Variants in PRDM15 observed in about 807,000 individuals in gnomAD.
The protein encoded by PRDM15 is PR domain zinc finger protein 15.
In PRDM15, 64 loss-of-function variants were observed where a neutral mutation model predicts 128.6. The observed-to-expected ratio is 0.50, with a 90% CI of 0.41 to 0.61. The LOEUF (loss-of-function observed/expected upper bound fraction) is 0.61. Ranked by LOEUF, PRDM15 falls within the 20% of genes least tolerant of loss-of-function variation. The probability of loss-of-function intolerance (pLI) is 0.00; values close to 1 mark genes in which losing one functional copy is unlikely to be tolerated. For missense variants in PRDM15, 1,242 were observed against 1,569.1 expected (o/e 0.79, Z 3.52); for synonymous variants, 615 against 621.8 (o/e 0.99, Z 0.16).
chr21:41,857,408 G>C, intron 3 of PRDM15, 79 bp from the exon 4 acceptor site: 1 of 1,461,518 alleles, frequency 6.8e-7, no homozygotes, highest in Non-Finnish European at 9.4e-7. Flanking sequence ...CTAAAAGCTC[G>C]CCCTCACTGA....
At chr21:41,852,387 A>C (rs2063456803) in intron 5 of PRDM15, among the ~76,000 whole-genome samples, 1 of 152,244 alleles carries the variant, frequency 6.6e-6, no homozygotes, top group Non-Finnish European at 1.5e-5. Flanking sequence ...CCCGAAGATC[A>C]CAGTTACTTG....
chr21:41,820,307 T>G (rs2062209282), intron 16 of PRDM15, 133 bp from the exon 17 acceptor site: 1 of 685,944 alleles, frequency 1.5e-6, no homozygotes, highest in Non-Finnish European at 2.6e-6. Flanking sequence ...GAAGCAGATA[T>G]TTGAGCCTCT....
chr21:41,830,083 A>G (rs1175621396), intron 11 of PRDM15, among the ~76,000 whole-genome samples: 1 of 150,914 alleles, frequency 6.6e-6, no homozygotes, highest in Non-Finnish European at 1.5e-5. Flanking sequence ...CACCACATAC[A>G]TACTCAACAT....
rs1435785244 is a variant in PRDM15 at position 41,823,436 on chromosome 21, C to T, written c.1643G>A (p.Arg548Gln). The T allele has an allele frequency of 1.8e-5, 28 of 1,552,508 alleles. No homozygotes were observed. The highest frequency in any genetic ancestry group is 2.7e-5 in the African/African-American group (2 of 73,120). ...CPVCGKVFSCRSNMNKHLLTH... is the reference protein window; with the variant it reads ...CPVCGKVFSCQSNMNKHLLTH... Reference sequence around the variant, plus strand: ...GAGCAGGTGCTTGTTCATATTGCTCCGGCAGGAGAACACCTGTGGCAGAGG... The same window carrying T: ...GAGCAGGTGCTTGTTCATATTGCTCTGGCAGGAGAACACCTGTGGCAGAGG... The change falls in exon 14 of 24, where the codon CGG becomes CAG. Residue 548 changes from arginine (R) to glutamine (Q), a missense_variant. Transcript: ENST00000398548.
chr21:41,859,291 A>G lies in PRDM15; in HGVS notation c.131+301T>C, dbSNP rs1401006328. ...CTTGGCTGCTGGTGCTCAGCACGTC[A>G]ACCACCTTGGCAAGTCCACTCTTCT... On this transcript the variant is annotated intron_variant, in intron 3 of 23. Transcript: ENST00000398548. This position sits in a 1 kb window ranked among gnomAD's most constrained non-coding sequence, Gnocchi z 5.3. 6.7e-7 allele frequency: 1 copy of G among 1,503,102 alleles called. No homozygotes were observed. The highest frequency in any genetic ancestry group is 9.2e-7 in the Non-Finnish European group (1 of 1,090,180). 93.1% of individuals were successfully genotyped at this position (1,503,102 alleles called of 1,614,324 possible).
chr21:41,878,620 C>A, intron 1 of PRDM15: 1 of 888,650 alleles, frequency 1.1e-6, no homozygotes, highest in Non-Finnish European at 1.6e-6. Context: ...ACCTGTCCAT[C>A]CACCTCGCTA....
chr21:41,847,226 C>T (rs1433024243), intron 5 of PRDM15, 35 bp from the exon 6 acceptor site: 1 of 1,440,184 alleles, frequency 6.9e-7, no homozygotes, highest in East Asian at 2.5e-5. Context: ...AAGGTGACCC[C>T]CAAGCAGCTC....
At chr21:41,823,262 C>A in intron 14 of PRDM15, 56 bp downstream of exon 14, 1 of 1,587,640 alleles carries the variant, frequency 6.3e-7, no homozygotes, top group Non-Finnish European at 8.6e-7. Flanking sequence ...GTGACAGACG[C>A]TGGCCTGGGG....
At chr21:41,844,467 TC>T (rs2063172364) in intron 6 of PRDM15, among the ~76,000 whole-genome samples, 4 of 10,150 alleles carry the variant, frequency 3.9e-4, no homozygotes, top group South Asian at 8.5e-3. Context: ...ACAGAGCCCC[TC>T]CCCCCTCACA....
At position 41,854,886 on chromosome 21, in the gene PRDM15, G is replaced by A. The variant is rs576432110; in HGVS notation, c.286-68C>T. 2.0e-6 allele frequency: 3 copies of A among 1,531,334 alleles called. No individual in the cohort carries two copies. The highest frequency in any genetic ancestry group is 2.6e-6 in the Non-Finnish European group (3 of 1,135,852). 94.9% of individuals were successfully genotyped at this position (1,531,334 alleles called of 1,614,324 possible). A position where few individuals can be genotyped will look rare whatever the true frequency, so the allele number is the denominator to read the frequency against. On this transcript the variant is annotated intron_variant, in intron 4 of 23. Coordinates refer to ENST00000398548, the MANE Select transcript of PRDM15 (RefSeq NM_001040424.3). The surrounding 1 kb of genome is among the most constrained non-coding windows in gnomAD (Gnocchi z 4.6). Reference sequence around the variant, plus strand: ...ATTACCCATCTGTGTATCAGCGTGTGGGGGGCAGGTGCTGAGGAACCCATC... The same window carrying A: ...ATTACCCATCTGTGTATCAGCGTGTAGGGGGCAGGTGCTGAGGAACCCATC...
intron 13 of PRDM15, among the ~76,000 whole-genome samples, chr21:41,824,674 C>T (rs1310927864): frequency 6.6e-6 from 1 of 152,180 alleles, no homozygotes; most frequent in Admixed American, 6.5e-5. Flanking sequence ...CTGTGCATAG[C>T]TGGCCCAGCT....
At chr21:41,803,230 AATG>A (rs74999016) in intron 22 of PRDM15, 35,291 of 395,736 alleles carry the variant, frequency 0.089, 2,078 homozygotes, top group Non-Finnish European at 0.12. Context: ...TCCAAAGGGA[AATG>A]TTTCTGCCCG....
chr21:41,812,487 T>G (rs1433611501), intron 19 of PRDM15: 1 of 152,126 alleles, frequency 6.6e-6, no homozygotes, highest in Non-Finnish European at 1.5e-5. Context: ...TCTGTTATTT[T>G]ATGTATGAGG....
chr21:41,854,531 G>C lies in PRDM15; in HGVS notation c.538+35C>G, dbSNP rs762426084. The C allele has an allele frequency of 1.2e-6, 2 of 1,608,736 alleles. No homozygotes were observed. The highest frequency in any genetic ancestry group is 3.3e-5 in the Admixed American group (2 of 59,994). ...CATAACCCCTTCGGCGAGGCACAAG[G>C]GAAGGTGGGCTCCGGATCGGGGGCC... On this transcript the variant is annotated intron_variant, in intron 5 of 23. Transcript: ENST00000398548. The surrounding 1 kb of genome is among the most constrained non-coding windows in gnomAD (Gnocchi z 4.6).
intron 7 of PRDM15, 137 bp downstream of exon 7, chr21:41,839,486 G>A (rs2063000858): frequency 1.5e-6 from 1 of 681,468 alleles, no homozygotes; most frequent in South Asian, 1.8e-5. Flanking sequence ...AAACAGACGG[G>A]CTTAGAGTCT....
chr21:41,843,465 G>A (rs920108989), intron 6 of PRDM15, among the ~76,000 whole-genome samples: 3 of 152,086 alleles, frequency 2.0e-5, no homozygotes, highest in Admixed American at 1.3e-4. Context: ...TATCCTACAC[G>A]CAGAGGACAT....
intron 17 of PRDM15, 36 bp downstream of exon 17, chr21:41,820,059 C>T (rs1429634043): frequency 4.4e-6 from 7 of 1,582,104 alleles, no homozygotes; most frequent in Admixed American, 3.3e-5. Flanking sequence ...CCCCCTCCAG[C>T]GAGGGCCGGG....
chr21:41,860,768 C>T (rs117026773), intron 1 of PRDM15, among the ~76,000 whole-genome samples: 1 of 152,292 alleles, frequency 6.6e-6, no homozygotes, highest in East Asian at 1.9e-4. Flanking sequence ...AGGCCTCCTC[C>T]AGCCAGTACA....
chr21:41,819,812 G>A (rs949091752), intron 17 of PRDM15, 111 bp from the exon 18 acceptor site: 3 of 1,396,608 alleles, frequency 2.1e-6, no homozygotes, highest in African/African-American at 1.4e-5. Flanking sequence ...TAGAAGCGCA[G>A]TAACAGGGGT....
Sources: gnomAD v4.1 joint callset for allele counts (sites outside exome capture counted in the v4.1 genomes callset) on GRCh38, gnomAD v4.1.1 for gene constraint, Gnocchi (gnomAD v3.1) non-coding constraint, MANE v1.5 for transcripts, NCBI Gene and HGNC (gene_info 2026-07-23, HGNC 2026-07-21) for gene names.